The following DLGAP4 variants were observed in gnomAD, a reference collection of about 807,000 sequenced individuals.
The protein encoded by DLGAP4 is DLG associated protein 4, also known as disks large-associated protein 4.
In DLGAP4, 18 loss-of-function variants were observed where a neutral mutation model predicts 86.9. That is an observed-to-expected ratio of 0.21 (90% CI 0.14 to 0.31). DLGAP4 has a LOEUF of 0.31. Ranked by LOEUF, DLGAP4 falls within the 10% of genes least tolerant of loss-of-function variation. DLGAP4 has a pLI of 1.00. For missense variants in DLGAP4, 1,085 were observed against 1,362.6 expected (o/e 0.80, Z 3.21); for synonymous variants, 548 against 574.3 (o/e 0.95, Z 0.65).
Position 36,431,783 on chromosome 20 carries a change from CCT to C in DLGAP4, c.67_68del (p.Leu23ValfsTer86). ...ACAGCCTAGACCCACCCCACGAGCCCCTGTTTGCAGGGACCGACCGCAACCCC... is the reference window on the plus strand; with the variant it reads ...ACAGCCTAGACCCACCCCACGAGCCCGTTTGCAGGGACCGACCGCAACCCC... ...SDSLDPPHEP[L>X]FAGTDRNPYL... is the part of the protein sequence containing the mutation. On this transcript the variant is annotated frameshift_variant, in exon 3 of 13. Coordinates refer to ENST00000339266, the MANE Select transcript of DLGAP4 (RefSeq NM_001365621.2). LOFTEE classifies it high-confidence loss of function. This position sits in a 1 kb window ranked among gnomAD's most constrained non-coding sequence, Gnocchi z 5.1. The C allele has an allele frequency of 1.2e-6, 2 of 1,613,342 alleles. No individual in the cohort carries two copies. The highest frequency in any genetic ancestry group is 8.5e-7 in the Non-Finnish European group (1 of 1,179,724).
chr20:36,489,358 A>C (rs1321880449), intron 7 of DLGAP4, among the ~76,000 whole-genome samples: 1 of 152,160 alleles, frequency 6.6e-6, no homozygotes, highest in Admixed American at 6.6e-5. Context: ...TAGCATCAGA[A>C]TCATTACCGA....
intron 7 of DLGAP4, chr20:36,461,494 C>G: frequency 2.0e-6 from 2 of 982,240 alleles, no homozygotes; most frequent in Non-Finnish European, 2.4e-6. Context: ...TCGGGCCGGG[C>G]TGCGTGAGGG....
chr20:36,494,978 T>G (rs1422387758), intron 7 of DLGAP4, among the ~76,000 whole-genome samples: 158 of 146,268 alleles, frequency 1.1e-3, no homozygotes, highest in African/African-American at 2.4e-3. Context: ...TTTTTTTTTT[T>G]GTTCGGTTTT....
chr20:36,433,781 A>C (rs1177935084), intron 3 of DLGAP4, among the ~76,000 whole-genome samples: 2 of 151,492 alleles, frequency 1.3e-5, no homozygotes, highest in African/African-American at 2.4e-5. Context: ...CCTCCTGAGT[A>C]GCTGGGATTA....
At chr20:36,380,264 A>G (rs2425231) in intron 2 of DLGAP4, among the ~76,000 whole-genome samples, 107,259 of 149,634 alleles carry the variant, frequency 0.72, 39,045 homozygotes, top group African/African-American at 0.85. Context: ...AAAAAAAATA[A>G]CCAGGTGTGG....
At chr20:36,416,895 C>A (rs1174781079) in intron 2 of DLGAP4, among the ~76,000 whole-genome samples, 1 of 152,150 alleles carries the variant, frequency 6.6e-6, no homozygotes, top group Non-Finnish European at 1.5e-5. Flanking sequence ...AGCTCCCCTC[C>A]CTTTGAGGCT....
intron 2 of DLGAP4, among the ~76,000 whole-genome samples, chr20:36,369,742 G>A (rs1600443941): frequency 6.6e-6 from 1 of 152,190 alleles, no homozygotes; most frequent in African/African-American, 2.4e-5. Context: ...TTTTACTGCA[G>A]TAAACATTTT....
At chr20:36,463,177 T>C (rs2034178375) in intron 7 of DLGAP4, among the ~76,000 whole-genome samples, 1 of 152,144 alleles carries the variant, frequency 6.6e-6, no homozygotes, top group African/African-American at 2.4e-5. Context: ...ACCCTGAGGA[T>C]TGACTTTGGT....
At chr20:36,326,212 A>G (rs938111968) in intron 1 of DLGAP4, among the ~76,000 whole-genome samples, 11 of 152,232 alleles carry the variant, frequency 7.2e-5, no homozygotes, top group Admixed American at 2.6e-4. Flanking sequence ...GGGAAACCCA[A>G]TAAGTTGGGC....
At chr20:36,492,902 C>G (rs545920995) in intron 7 of DLGAP4, 72 of 152,276 alleles carry the variant, frequency 4.7e-4, no homozygotes, top group African/African-American at 1.7e-3. Flanking sequence ...CCTGTCTCTG[C>G]TGGTGGCCAT....
intron 10 of DLGAP4, 85 bp from the exon 11 acceptor site, chr20:36,524,165 T>C (rs2037557443): frequency 3.0e-6 from 3 of 1,009,946 alleles, no homozygotes; most frequent in Admixed American, 3.5e-5. Context: ...CCTAAGGGAG[T>C]GTGGGAGGAG....
intron 2 of DLGAP4, among the ~76,000 whole-genome samples, chr20:36,382,655 G>A (rs1242925689): frequency 3.3e-5 from 5 of 149,780 alleles, no homozygotes; most frequent in African/African-American, 1.2e-4. Context: ...TCAGCCTCCC[G>A]AGTAGCTGGG....
intron 1 of DLGAP4, among the ~76,000 whole-genome samples, chr20:36,360,482 G>C (rs561672905): frequency 1.1e-4 from 16 of 152,298 alleles, no homozygotes; most frequent in Non-Finnish European, 2.2e-4. Flanking sequence ...CTGTTCACCT[G>C]CCACGACCCC....
chr20:36,476,460 TG>T (rs1305188399), intron 7 of DLGAP4, among the ~76,000 whole-genome samples: 1 of 149,866 alleles, frequency 6.7e-6, no homozygotes, highest in African/African-American at 2.5e-5. Context: ...CCCGAGTAGC[TG>T]GGCTTACAGG....
intron 1 of DLGAP4, among the ~76,000 whole-genome samples, chr20:36,341,693 T>C (rs1383381025): frequency 6.6e-6 from 1 of 152,228 alleles, no homozygotes; most frequent in Non-Finnish European, 1.5e-5. Context: ...TGCCACCCCC[T>C]CAGTCCCTCT....
At chr20:36,469,752 CAAA>C (rs529690960) in intron 7 of DLGAP4, among the ~76,000 whole-genome samples, 6 of 81,772 alleles carry the variant, frequency 7.3e-5, no homozygotes, top group Admixed American at 1.4e-4. Context: ...GACTCTGTCT[CAAA>C]AAAAAAAAAA....
At chr20:36,523,313 C>G (rs1177664335) in intron 10 of DLGAP4, among the ~76,000 whole-genome samples, 1 of 152,114 alleles carries the variant, frequency 6.6e-6, no homozygotes, top group Non-Finnish European at 1.5e-5. Flanking sequence ...CACTTTAAAA[C>G]TAGAAGTCAT....
chr20:36,334,780 T>C (rs556430052), intron 1 of DLGAP4, among the ~76,000 whole-genome samples: 34 of 152,136 alleles, frequency 2.2e-4, no homozygotes, highest in African/African-American at 5.3e-4. Flanking sequence ...GCTAAGGCTT[T>C]CTTTGTGAGG....
intron 1 of DLGAP4, among the ~76,000 whole-genome samples, chr20:36,338,653 C>T (rs1434194685): frequency 6.6e-6 from 1 of 152,174 alleles, no homozygotes; most frequent in African/African-American, 2.4e-5. Context: ...GGCCCTGGGC[C>T]GACTGGCCTC....
Sources: gnomAD v4.1 joint callset for allele counts (sites outside exome capture counted in the v4.1 genomes callset) on GRCh38, gnomAD v4.1.1 for gene constraint, Gnocchi (gnomAD v3.1) non-coding constraint, MANE v1.5 for transcripts, NCBI Gene and HGNC (gene_info 2026-07-23, HGNC 2026-07-21) for gene names.